Variants in RPSA2 observed in about 807,000 individuals in gnomAD.
RPSA2 encodes the protein ribosomal protein SA 2.
chr19:23,834,141 T>G, the RPSA2 span, among the ~76,000 whole-genome samples: 1 of 152,020 alleles, frequency 6.6e-6, no homozygotes, highest in African/African-American at 2.4e-5. Flanking sequence ...ATCAGAGTGC[T>G]GCGTATAAAA....
the RPSA2 span, among the ~76,000 whole-genome samples, chr19:23,856,637 C>T: frequency 6.6e-6 from 1 of 152,102 alleles, no homozygotes; most frequent in Non-Finnish European, 1.5e-5. Context: ...GGGGAACTTG[C>T]CCCCAGTATT....
the RPSA2 span, among the ~76,000 whole-genome samples, chr19:23,868,581 A>AT: frequency 6.6e-6 from 1 of 152,184 alleles, no homozygotes; most frequent in African/African-American, 2.4e-5. Context: ...TTTACTTTAA[A>AT]TTTTTTGACT....
the RPSA2 span, among the ~76,000 whole-genome samples, chr19:23,853,517 C>T: frequency 9.9e-5 from 15 of 152,166 alleles, no homozygotes; most frequent in Admixed American, 6.5e-4. Flanking sequence ...ATTATAAAGG[C>T]ATAGGATTAG....
At chr19:23,869,928 G>A in the RPSA2 span, among the ~76,000 whole-genome samples, 5 of 152,200 alleles carry the variant, frequency 3.3e-5, no homozygotes, top group Non-Finnish European at 7.3e-5. Context: ...AGGCGGACCA[G>A]CTCCAGGTAA....
At chr19:23,790,353 T>C in the RPSA2 span, among the ~76,000 whole-genome samples, 2 of 152,100 alleles carry the variant, frequency 1.3e-5, no homozygotes, top group East Asian at 3.9e-4. Flanking sequence ...AATATTTTGG[T>C]TCACATTTTG....
At chr19:23,847,793 G>A in the RPSA2 span, among the ~76,000 whole-genome samples, 4 of 151,988 alleles carry the variant, frequency 2.6e-5, no homozygotes, top group Non-Finnish European at 4.4e-5. Context: ...TTCCCAGAGC[G>A]GCCATTTATA....
At chr19:23,848,052 C>T in the RPSA2 span, among the ~76,000 whole-genome samples, 10 of 152,108 alleles carry the variant, frequency 6.6e-5, no homozygotes, top group Non-Finnish European at 1.2e-4. Context: ...TTCAAACACG[C>T]ATGTTTTACA....
the RPSA2 span, among the ~76,000 whole-genome samples, chr19:23,864,209 C>T: frequency 6.6e-6 from 1 of 152,188 alleles, no homozygotes; most frequent in Non-Finnish European, 1.5e-5. Flanking sequence ...TACAGACACC[C>T]TTAAGACACA....
the RPSA2 span, among the ~76,000 whole-genome samples, chr19:23,831,209 G>C: frequency 1.3e-5 from 2 of 151,928 alleles, no homozygotes; most frequent in African/African-American, 4.8e-5. Context: ...TGTCAGAAAA[G>C]GTCCCTAAAA....
chr19:23,770,487 A>G, the RPSA2 span, among the ~76,000 whole-genome samples: 1 of 152,214 alleles, frequency 6.6e-6, no homozygotes, highest in Non-Finnish European at 1.5e-5. Context: ...TATTTTGGGT[A>G]TAGTGACGTA....
chr19:23,852,305 G>A, the RPSA2 span, among the ~76,000 whole-genome samples: 1 of 151,060 alleles, frequency 6.6e-6, no homozygotes, highest in East Asian at 2.0e-4. Context: ...GACCAGCTCG[G>A]TTGGGGAGAC....
the RPSA2 span, among the ~76,000 whole-genome samples, chr19:23,840,020 C>T: frequency 5.3e-5 from 8 of 152,266 alleles, no homozygotes; most frequent in East Asian, 1.5e-3. Flanking sequence ...TGTCCTGATG[C>T]CTTTAAGGAC....
chr19:23,808,958 G>T, the RPSA2 span: 1 of 240,982 alleles, frequency 4.1e-6, no homozygotes, highest in South Asian at 5.5e-5. Context: ...ATACTCTCAC[G>T]TAGGGGCATC....
At chr19:23,819,906 TGTTA>T in the RPSA2 span, among the ~76,000 whole-genome samples, 4 of 152,202 alleles carry the variant, frequency 2.6e-5, no homozygotes, top group Non-Finnish European at 5.9e-5. Flanking sequence ...TCAATAACTG[TGTTA>T]GTTCTTGAAC....
chr19:23,769,990 C>G, the RPSA2 span, among the ~76,000 whole-genome samples: 1 of 152,264 alleles, frequency 6.6e-6, no homozygotes, highest in Admixed American at 6.5e-5. Context: ...ATCACTGGGC[C>G]CAGCACCTAG....
At chr19:23,759,522 G>GTTTTTTTT in the RPSA2 span, among the ~76,000 whole-genome samples, 12,178 of 88,882 alleles carry the variant, frequency 0.14, 1,589 homozygotes, top group South Asian at 0.15. Flanking sequence ...TATATATCAG[G>GTTTTTTTT]TTTTTTTTTT....
the RPSA2 span, among the ~76,000 whole-genome samples, chr19:23,777,755 G>A: frequency 2.0e-5 from 3 of 152,034 alleles, no homozygotes; most frequent in Non-Finnish European, 1.5e-5. Context: ...CATATCCTTG[G>A]GCTCAGCACC....
chr19:23,768,241 T>C, the RPSA2 span, among the ~76,000 whole-genome samples: 1 of 152,136 alleles, frequency 6.6e-6, no homozygotes, highest in Non-Finnish European at 1.5e-5. Context: ...GGGGTTTGCT[T>C]TGAGAATGCT....
At chr19:23,862,738 C>A in the RPSA2 span, among the ~76,000 whole-genome samples, 1 of 144,596 alleles carries the variant, frequency 6.9e-6, no homozygotes, top group Admixed American at 7.2e-5. Flanking sequence ...TGCACATGTA[C>A]CCTAAAACTT....
Sources: allele counts gnomAD v4.1 joint callset (sites outside exome capture counted in the v4.1 genomes callset), GRCh38; gene constraint gnomAD v4.1.1; transcripts MANE v1.5; gene names NCBI Gene and HGNC (gene_info 2026-07-23, HGNC 2026-07-21).